Variants in LMO4 observed in about 807,000 individuals in gnomAD.
LMO4 encodes LIM domain transcription factor LMO4.
LMO4 carries 3 observed loss-of-function variants against 18.5 expected under a neutral mutation model. The ratio of observed to expected loss-of-function variants is 0.16; its 90% CI spans 0.07 to 0.42. LMO4 has a LOEUF of 0.42. Among genes scored for constraint, LMO4 ranks in the 10% least tolerant of loss-of-function variants. LMO4 has a pLI of 0.99. For synonymous variants in LMO4, 100 were observed against 88.1 expected (o/e 1.14, Z -0.76); for missense variants, 121 against 219.9 (o/e 0.55, Z 2.84).
At chr1:87,329,924 T>C (rs1412910634) in intron 1 of LMO4, among the ~76,000 whole-genome samples, 1 of 152,200 alleles carries the variant, frequency 6.6e-6, no homozygotes, top group Non-Finnish European at 1.5e-5. Flanking sequence ...TTCTGCTTTC[T>C]ATTTCACTGA....
At chr1:87,341,704 A>G (rs991196047) in intron 4 of LMO4, among the ~76,000 whole-genome samples, 3 of 152,318 alleles carry the variant, frequency 2.0e-5, no homozygotes, top group South Asian at 2.1e-4. Context: ...TAATTACATG[A>G]CATTATGTGC....
intron 2 of LMO4, among the ~76,000 whole-genome samples, chr1:87,335,514 G>C (rs1023230649): frequency 1.3e-5 from 2 of 151,994 alleles, no homozygotes; most frequent in African/African-American, 2.4e-5. Context: ...CTTTCCCCGG[G>C]CTCCACTCGG....
At position 87,334,013 on chromosome 1, in the gene LMO4, C is replaced by T. The variant is rs182624648; in HGVS notation, c.236+1762C>T. On this transcript the variant is annotated intron_variant, in intron 2 of 4. Transcript: ENST00000370544. ...CAACTAATTAAAAAGAAGATGGGTC[C>T]GCTTGTATTCCCCCAGGACAAGTTT... Among the ~76,000 whole-genome samples, 364 of 152,042 alleles carry T rather than the reference C, an allele frequency of 2.4e-3. 2 individuals carry two copies. Among genetic ancestry groups the T allele is most frequent in the African/African-American group, 8.2e-3 (340 of 41,518 alleles).
At chr1:87,329,594 T>G (rs1650070230) in intron 1 of LMO4, among the ~76,000 whole-genome samples, 1 of 109,786 alleles carries the variant, frequency 9.1e-6, no homozygotes, top group Admixed American at 1.1e-4. Context: ...AGTAGTGTGT[T>G]TGGGGGGGTG....
intron 2 of LMO4, among the ~76,000 whole-genome samples, chr1:87,335,785 A>T (rs1557614216): frequency 2.6e-5 from 4 of 152,180 alleles, no homozygotes; most frequent in South Asian, 2.1e-4. Context: ...GTGCTAGGTA[A>T]ATCTAATAGT....
intron 2 of LMO4, among the ~76,000 whole-genome samples, chr1:87,337,843 A>G (rs1402058844): frequency 1.3e-5 from 2 of 152,146 alleles, no homozygotes; most frequent in African/African-American, 2.4e-5. Context: ...GCATTAGGAG[A>G]CAGCAGCCCA....
rs1472407917 is a variant in LMO4 at position 87,345,635 on chromosome 1, T to A, written c.*839T>A. The A allele has an allele frequency of 6.6e-6, 1 of 152,180 alleles. No homozygotes were observed. Among genetic ancestry groups the A allele is most frequent in the African/African-American group, 2.4e-5 (1 of 41,448 alleles). The allele number at this position is 152,180 out of a possible 1,614,324, so 9.4% of individuals were successfully genotyped here. ...TTTTCTCTTCTGTATTTTGAAGAAA[T>A]TTAGTTTTTATTGTTGTTGAATAAC... On this transcript the variant is annotated 3_prime_UTR_variant, in exon 5 of 5. Coordinates refer to ENST00000370544, the MANE Select transcript of LMO4 (RefSeq NM_006769.4).
intron 4 of LMO4, 69 bp from the exon 5 acceptor site, chr1:87,344,719 G>C: frequency 6.7e-7 from 1 of 1,482,656 alleles, no homozygotes. Flanking sequence ...GACAAAAGCA[G>C]TCATGTTTGA....
intron 4 of LMO4, among the ~76,000 whole-genome samples, chr1:87,342,941 T>G (rs951828517): frequency 7.2e-5 from 11 of 152,178 alleles, no homozygotes; most frequent in Non-Finnish European, 1.3e-4. Context: ...ACAAATGGCT[T>G]CGTTTTATTA....
chr1:87,339,807 G>A (rs1030337542), intron 3 of LMO4, among the ~76,000 whole-genome samples, 175 bp downstream of exon 3: 10 of 152,102 alleles, frequency 6.6e-5, no homozygotes, highest in Admixed American at 2.0e-4. Flanking sequence ...CACAGACCAC[G>A]CTTCCCCTAT....
intron 2 of LMO4, among the ~76,000 whole-genome samples, chr1:87,336,891 G>T (rs1019892299): frequency 6.6e-6 from 1 of 152,112 alleles, no homozygotes; most frequent in Non-Finnish European, 1.5e-5. Context: ...AGCACCTAAA[G>T]CCTCGAGCCT....
intron 2 of LMO4, among the ~76,000 whole-genome samples, chr1:87,332,948 T>G (rs1367810030): frequency 6.6e-6 from 1 of 152,228 alleles, no homozygotes; most frequent in Non-Finnish European, 1.5e-5. Context: ...TTTTTTTCAA[T>G]TGAAGCATGT....
intron 2 of LMO4, among the ~76,000 whole-genome samples, chr1:87,333,063 T>C (rs1216366681): frequency 3.3e-5 from 5 of 152,204 alleles, no homozygotes; most frequent in Non-Finnish European, 4.4e-5. Context: ...TTTAAAGCAA[T>C]GTATAGGAAC....
chr1:87,343,219 A>C (rs952976540), intron 4 of LMO4, among the ~76,000 whole-genome samples: 1 of 152,164 alleles, frequency 6.6e-6, no homozygotes, highest in Admixed American at 6.5e-5. Context: ...TGGGCTGTGT[A>C]GTGTAGTTGT....
chr1:87,343,345 C>T (rs1207884547), intron 4 of LMO4, among the ~76,000 whole-genome samples: 1 of 152,180 alleles, frequency 6.6e-6, no homozygotes, highest in Non-Finnish European at 1.5e-5. Context: ...CACTAGTGTT[C>T]AAGGATCTAC....
chr1:87,344,317 C>T (rs1650571031), intron 4 of LMO4, among the ~76,000 whole-genome samples: 1 of 152,104 alleles, frequency 6.6e-6, no homozygotes, highest in African/African-American at 2.4e-5. Flanking sequence ...GTGTCATTAT[C>T]CCTTCTTTAA....
At chr1:87,335,845 C>A (rs950964600) in intron 2 of LMO4, among the ~76,000 whole-genome samples, 9 of 146,606 alleles carry the variant, frequency 6.1e-5, no homozygotes, top group Admixed American at 5.5e-4. Flanking sequence ...ACAATGACAG[C>A]ACAGGAGCAT....
intron 4 of LMO4, among the ~76,000 whole-genome samples, chr1:87,341,119 G>T (rs973610186): frequency 1.3e-5 from 2 of 152,020 alleles, no homozygotes; most frequent in African/African-American, 4.8e-5. Context: ...TTCCACACCG[G>T]CCCAGAAAAG....
chr1:87,341,922 G>A, intron 4 of LMO4, among the ~76,000 whole-genome samples: 1 of 152,182 alleles, frequency 6.6e-6, no homozygotes, highest in East Asian at 1.9e-4. Flanking sequence ...CAATGAATGA[G>A]CAACATAAAT....
Sources: allele counts gnomAD v4.1 joint callset (sites outside exome capture counted in the v4.1 genomes callset), GRCh38; gene constraint gnomAD v4.1.1; transcripts MANE v1.5; gene names NCBI Gene and HGNC (gene_info 2026-07-23, HGNC 2026-07-21).